ARID5B: variants seen among roughly 807,000 people sequenced by gnomAD.
ARID5B encodes AT-rich interaction domain 5B.
ARID5B carries 13 observed loss-of-function variants against 97.2 expected under a neutral mutation model. The ratio of observed to expected loss-of-function variants is 0.13; its 90% CI spans 0.09 to 0.21. The LOEUF is 0.21. Among genes scored for constraint, ARID5B ranks in the 10% least tolerant of loss-of-function variants. The pLI, the probability that ARID5B is intolerant of heterozygous loss-of-function variation, is 1.00. For synonymous variants in ARID5B, 556 were observed against 570.3 expected (o/e 0.97, Z 0.36); for missense variants, 1,210 against 1,465.3 (o/e 0.83, Z 2.84).
At chr10:61,989,860 C>A (rs1449176800) in intron 3 of ARID5B, among the ~76,000 whole-genome samples, 1 of 152,164 alleles carries the variant, frequency 6.6e-6, no homozygotes, top group Non-Finnish European at 1.5e-5. Flanking sequence ...CTTGAGGTTC[C>A]TTGATAGATC....
In ARID5B at chr10:61,940,236, C is replaced by A. The variant is rs1186817894; in HGVS notation, c.330C>A (p.Val110=). The stretch of plus-strand genomic sequence containing the variant: ...TGATTGTGAAGCTTGAAGACCTGGT[C>A]AAGTGGGTACATTCTGATTTCTCCA... The part of the protein sequence containing the change: ...EKVIVKLEDL[V]KWVHSDFSKW... Residue 110 remains valine (V), a synonymous_variant, in exon 3 of 10, where the codon GTC becomes GTA. Transcript: ENST00000279873. 3 of 1,614,150 alleles carry A rather than the reference C, an allele frequency of 1.9e-6. No individual in the cohort carries two copies. The highest frequency in any genetic ancestry group is 1.3e-5 in the African/African-American group (1 of 75,048).
In ARID5B at chr10:61,942,617, C is replaced by A. The variant is rs993292319; in HGVS notation, c.502+2209C>A. Among the ~76,000 whole-genome samples the A allele has an allele frequency of 5.8e-4, 89 of 152,220 alleles. 1 individual carries two copies. The highest frequency in any genetic ancestry group is 1.9e-3 in the African/African-American group (81 of 41,540). ...GACCAGCCTGGCCAACATGGTGAAA[C>A]CCCATCTCTACTAAAAATAGAAAAA... On this transcript the variant is annotated intron_variant, in intron 3 of 9. Coordinates refer to ENST00000279873, the MANE Select transcript of ARID5B (RefSeq NM_032199.3).
rs141960098 is a variant in ARID5B at position 62,002,574 on chromosome 10, G to A, written c.733+2253G>A. Among the ~76,000 whole-genome samples, 4 of 152,172 alleles carry A rather than the reference G, an allele frequency of 2.6e-5. No individual in the cohort carries two copies. In the East Asian group the frequency reaches 5.8e-4, roughly 22 times the overall value. On this transcript the variant is annotated intron_variant, in intron 4 of 9. Transcript: ENST00000279873. ...AACTTCACTAACATCCCTCCCCACC[G>A]TCCCACTTTCGGTCACAACCTAAAT...
chr10:61,901,864 A>C, intron 1 of ARID5B, 134 bp downstream of exon 1: 2 of 701,962 alleles, frequency 2.8e-6, no homozygotes, highest in African/African-American at 1.9e-5. Context: ...TGCATCCCCC[A>C]AAATCATTTT....
chr10:62,076,563 A>AAAAAAAAAAC (rs1840138904), intron 8 of ARID5B, among the ~76,000 whole-genome samples: 1 of 76,740 alleles, frequency 1.3e-5, no homozygotes, highest in African/African-American at 7.5e-5. Context: ...CTCTGTCTCA[A>AAAAAAAAAAC]AAAAAAAAAA....
chr10:62,008,513 G>T (rs1168302957), intron 4 of ARID5B, among the ~76,000 whole-genome samples: 1 of 152,250 alleles, frequency 6.6e-6, no homozygotes, highest in Non-Finnish European at 1.5e-5. Flanking sequence ...AGATTGGCGT[G>T]TTGGGAAGTG....
intron 3 of ARID5B, among the ~76,000 whole-genome samples, chr10:61,944,395 G>C (rs548479170): frequency 6.6e-6 from 1 of 152,212 alleles, no homozygotes; most frequent in East Asian, 1.9e-4. Context: ...TGGTATGGCA[G>C]TTGAAAGTAG....
intron 9 of ARID5B, 133 bp downstream of exon 9, chr10:62,086,033 T>G: frequency 1.1e-6 from 1 of 945,480 alleles, no homozygotes. Flanking sequence ...AATCTAAGCT[T>G]CACAGTTCCC....
intron 4 of ARID5B, 41 bp from the exon 5 acceptor site, chr10:62,050,847 C>G (rs1839778403): frequency 1.1e-5 from 17 of 1,531,432 alleles, no homozygotes; most frequent in Non-Finnish European, 1.4e-5. Flanking sequence ...GAAACCCATG[C>G]AAGTGAAAAT....
At chr10:61,926,012 G>T (rs1589221666) in intron 2 of ARID5B, among the ~76,000 whole-genome samples, 1 of 152,142 alleles carries the variant, frequency 6.6e-6, no homozygotes, top group Non-Finnish European at 1.5e-5. Context: ...AAGAGGAGGG[G>T]CTAGCTTGGG....
At chr10:62,048,168 A>G (rs1175934531) in intron 4 of ARID5B, among the ~76,000 whole-genome samples, 2 of 152,258 alleles carry the variant, frequency 1.3e-5, no homozygotes, top group Non-Finnish European at 2.9e-5. Flanking sequence ...TGGCGGGACC[A>G]GTCTATGAGG....
At position 62,085,908 on chromosome 10, in the gene ARID5B, G is replaced by C; in HGVS notation, c.1398+8G>C. The C allele has an allele frequency of 2.5e-6, 4 of 1,605,850 alleles. No individual in the cohort carries two copies. Among genetic ancestry groups the C allele is most frequent in the Non-Finnish European group, 3.4e-6 (4 of 1,178,022 alleles). ...CCCCAGGATGCAGCAGAGGTGAGTTGCTTTGCTCCATAGAAATACCTCTGG... is the reference window on the plus strand; with the variant it reads ...CCCCAGGATGCAGCAGAGGTGAGTTCCTTTGCTCCATAGAAATACCTCTGG... On this transcript the variant is annotated splice_region_variant and intron_variant, in intron 9 of 9. Transcript: ENST00000279873.
At chr10:62,015,054 A>G (rs949557035) in intron 4 of ARID5B, among the ~76,000 whole-genome samples, 1 of 152,222 alleles carries the variant, frequency 6.6e-6, no homozygotes, top group Non-Finnish European at 1.5e-5. Flanking sequence ...TAGAATTTTA[A>G]TTCATGAAAA....
rs956937117 is a variant in ARID5B, at chr10:62,093,414, G to A, written c.*384G>A. The A allele has an allele frequency of 7.6e-6, 2 of 262,000 alleles. No individual in the cohort carries two copies. Among genetic ancestry groups the A allele is most frequent in the Non-Finnish European group, 1.5e-5 (2 of 137,324 alleles). The allele number at this position is 262,000 out of a possible 1,614,324, so 16.2% of individuals were successfully genotyped here. A position where few individuals can be genotyped will look rare whatever the true frequency, so the allele number is the denominator to read the frequency against. On this transcript the variant is annotated 3_prime_UTR_variant, in exon 10 of 10. Transcript: ENST00000279873. ...GCATTTCAAAGGAAGGGGCAAGGAA[G>A]ACTGGCAAACAGATGGCAAGGGATG...
chr10:61,997,619 A>G (rs1839019192), intron 3 of ARID5B, among the ~76,000 whole-genome samples: 2 of 152,218 alleles, frequency 1.3e-5, no homozygotes, highest in South Asian at 4.1e-4. Flanking sequence ...TAGAATCAAC[A>G]GGTATTTACA....
intron 4 of ARID5B, among the ~76,000 whole-genome samples, chr10:62,024,155 T>A (rs1186508157): frequency 2.0e-5 from 3 of 152,220 alleles, no homozygotes; most frequent in Non-Finnish European, 4.4e-5. Flanking sequence ...ACTTATTATG[T>A]ACCAGATAAT....
intron 6 of ARID5B, 82 bp from the exon 7 acceptor site, chr10:62,059,161 G>GA (rs3832683): frequency 1.5e-3 from 1,596 of 1,060,284 alleles, no homozygotes; most frequent in South Asian, 2.7e-3. Context: ...CTTTCTCGTT[G>GA]AAAAAAAAAA....
chr10:62,011,701 A>C (rs1564627157), intron 4 of ARID5B, among the ~76,000 whole-genome samples: 1 of 152,204 alleles, frequency 6.6e-6, no homozygotes, highest in Non-Finnish European at 1.5e-5. Flanking sequence ...GCCTCTGCAC[A>C]ACTCTGTAGA....
Position 62,013,794 on chromosome 10 carries a change from G to GTGTATATATATA in ARID5B, c.733+13474_733+13475insGTATATATATAT, listed in dbSNP as rs71470787. On this transcript the variant is annotated intron_variant, in intron 4 of 9. Transcript: ENST00000279873. ...TTAAGGCTAAATAGTATTCCATTGGGTATATATATATATATATATATACCA... is the reference window on the plus strand; with the variant it reads ...TTAAGGCTAAATAGTATTCCATTGGGTGTATATATATATATATATATATATATATATATACCA... Among the ~76,000 whole-genome samples, 42 of 138,954 alleles carry GTGTATATATATA rather than the reference G, an allele frequency of 3.0e-4. No homozygotes were observed. The South Asian group carries it at 8.4e-3, about 28-fold the overall frequency. 91.2% of individuals were successfully genotyped at this position (138,954 alleles called of 152,430 possible).
Sources: allele counts gnomAD v4.1 joint callset (sites outside exome capture counted in the v4.1 genomes callset), GRCh38; gene constraint gnomAD v4.1.1; transcripts MANE v1.5; gene names NCBI Gene and HGNC (gene_info 2026-07-23, HGNC 2026-07-21).